Variants in ALG14 observed in about 807,000 individuals in gnomAD.
ALG14 encodes the protein UDP-N-acetylglucosamine transferase subunit ALG14.
A neutral mutation model predicts 22.8 loss-of-function variants in ALG14; 17 were observed. The observed-to-expected ratio is 0.75, with a 90% CI of 0.51 to 1.12. The LOEUF is 1.12. Ranked by LOEUF, ALG14 falls within the 50% of genes most tolerant of loss-of-function variation. The pLI is 0.00. For missense variants in ALG14, 288 were observed against 271.8 expected (o/e 1.06, Z -0.42); for synonymous variants, 89 against 103.7 (o/e 0.86, Z 0.86).
chr1:94,988,917 A>G (rs1672705912), intron 3 of ALG14, among the ~76,000 whole-genome samples: 1 of 152,184 alleles, frequency 6.6e-6, no homozygotes, highest in Admixed American at 6.5e-5. Context: ...TTCTCTTCTA[A>G]CTTACGTCTT....
chr1:95,019,047 T>G (rs1673583439), intron 3 of ALG14, among the ~76,000 whole-genome samples: 1 of 152,232 alleles, frequency 6.6e-6, no homozygotes, highest in African/African-American at 2.4e-5. Context: ...CTGTCAGCCA[T>G]AAACATATTT....
At chr1:95,058,804 A>T (rs989684632) in intron 2 of ALG14, among the ~76,000 whole-genome samples, 2 of 151,856 alleles carry the variant, frequency 1.3e-5, no homozygotes, top group Non-Finnish European at 2.9e-5. Flanking sequence ...ATAACTGTTG[A>T]TGTTATGATG....
chr1:95,065,269 C>T (rs578021389), intron 1 of ALG14, among the ~76,000 whole-genome samples: 1 of 151,944 alleles, frequency 6.6e-6, no homozygotes, highest in African/African-American at 2.4e-5. Flanking sequence ...AAGGAAGGCA[C>T]AAAACAGTAT....
At chr1:95,007,079 AG>A (rs1156312972) in intron 3 of ALG14, among the ~76,000 whole-genome samples, 1 of 152,098 alleles carries the variant, frequency 6.6e-6, no homozygotes, top group Non-Finnish European at 1.5e-5. Context: ...AGGACAGAGG[AG>A]GGGGGTGGGG....
intron 3 of ALG14, among the ~76,000 whole-genome samples, chr1:94,990,245 A>G (rs1672740289): frequency 6.6e-6 from 1 of 152,200 alleles, no homozygotes; most frequent in East Asian, 1.9e-4. Flanking sequence ...GAAGCCTGGG[A>G]AAGGCAGTTG....
intron 3 of ALG14, among the ~76,000 whole-genome samples, chr1:94,989,713 G>A (rs2100718566): frequency 6.6e-6 from 1 of 152,328 alleles, no homozygotes; most frequent in East Asian, 1.9e-4. Context: ...GGTTCTGGCT[G>A]CTCAGTTCCC....
chr1:95,017,518 G>A (rs747255105), intron 3 of ALG14, among the ~76,000 whole-genome samples: 2 of 152,118 alleles, frequency 1.3e-5, no homozygotes, highest in Non-Finnish European at 1.5e-5. Context: ...AAAAACAGGT[G>A]GGAGAGAATG....
chr1:95,035,214 G>GTCTCTT (rs1674145322), intron 2 of ALG14, among the ~76,000 whole-genome samples: 1 of 152,072 alleles, frequency 6.6e-6, no homozygotes, highest in Non-Finnish European at 1.5e-5. Flanking sequence ...TTTCTTCTCT[G>GTCTCTT]TCTCTTTCTC....
chr1:95,008,176 C>T lies in ALG14; in HGVS notation c.420+18953G>A, dbSNP rs568098265. Among the ~76,000 whole-genome samples the T allele has an allele frequency of 5.9e-5, 9 of 152,274 alleles. No homozygotes were observed. In the South Asian group the frequency reaches 1.9e-3, roughly 32 times the overall value. The stretch of plus-strand genomic sequence containing the variant: ...AAATGGTGTCATGAGTCTAGGGGCT[C>T]ACGGAAATACAAGTCCCTAACTCCT... On this transcript the variant is annotated intron_variant, in intron 3 of 3. Transcript: ENST00000370205.
intron 3 of ALG14, among the ~76,000 whole-genome samples, chr1:95,000,895 AC>A (rs1429885019): frequency 6.6e-6 from 1 of 152,204 alleles, no homozygotes; most frequent in African/African-American, 2.4e-5. Context: ...GACCAATTCC[AC>A]CTCAGGCTGC....
At chr1:95,047,683 A>G (rs2100808988) in intron 2 of ALG14, among the ~76,000 whole-genome samples, 2 of 152,260 alleles carry the variant, frequency 1.3e-5, no homozygotes, top group South Asian at 4.1e-4. Context: ...AAGTTTTAAA[A>G]TTAAGAAACC....
At chr1:95,051,177 T>C (rs1471587098) in intron 2 of ALG14, among the ~76,000 whole-genome samples, 1 of 152,134 alleles carries the variant, frequency 6.6e-6, no homozygotes, top group Admixed American at 6.5e-5. Context: ...TTCTCTCGTA[T>C]GTTTACAGAT....
At chr1:95,010,340 A>T (rs541202967) in intron 3 of ALG14, among the ~76,000 whole-genome samples, 2 of 152,310 alleles carry the variant, frequency 1.3e-5, no homozygotes, top group African/African-American at 4.8e-5. Flanking sequence ...CAGTACATCC[A>T]ATGGACATCC....
intron 1 of ALG14, among the ~76,000 whole-genome samples, chr1:95,068,212 T>C (rs904932850): frequency 6.6e-6 from 1 of 152,232 alleles, no homozygotes; most frequent in African/African-American, 2.4e-5. Context: ...ATGTTTGATA[T>C]TAAATCTAAC....
At chr1:95,005,862 C>A (rs1673205510) in intron 3 of ALG14, among the ~76,000 whole-genome samples, 1 of 152,170 alleles carries the variant, frequency 6.6e-6, no homozygotes, top group African/African-American at 2.4e-5. Flanking sequence ...GACTGTCTTA[C>A]ATCCCTCTTG....
At chr1:95,016,805 A>G (rs907576954) in intron 3 of ALG14, among the ~76,000 whole-genome samples, 1 of 152,010 alleles carries the variant, frequency 6.6e-6, no homozygotes, top group African/African-American at 2.4e-5. Context: ...CACAAATACA[A>G]TCCAGTCAGG....
chr1:95,072,632 G>T, intron 1 of ALG14, 131 bp downstream of exon 1: 1 of 1,341,692 alleles, frequency 7.5e-7, no homozygotes, highest in Non-Finnish European at 1.0e-6. Context: ...GTTCCGGCAA[G>T]GCAGAGAAAC....
Position 94,982,338 on chromosome 1 carries a change from C to G in ALG14, c.*738G>C, listed in dbSNP as rs1672514929. 1 of 151,852 alleles carries G rather than the reference C, an allele frequency of 6.6e-6. No homozygotes were observed. Among genetic ancestry groups the G allele is most frequent in the African/African-American group, 2.4e-5 (1 of 41,302 alleles). The allele number at this position is 151,852 out of a possible 1,614,324, so 9.4% of individuals were successfully genotyped here. On this transcript the variant is annotated 3_prime_UTR_variant, in exon 4 of 4. Coordinates refer to ENST00000370205, the MANE Select transcript of ALG14 (RefSeq NM_144988.4). Reference sequence around the variant, plus strand: ...ACAAGGTTTCACCATGTTGGTCAGGCTGGTGTCAAACTCCTGACCTCCAGT... The same window carrying G: ...ACAAGGTTTCACCATGTTGGTCAGGGTGGTGTCAAACTCCTGACCTCCAGT...
At chr1:95,047,524 G>T (rs997442814) in intron 2 of ALG14, among the ~76,000 whole-genome samples, 2 of 151,762 alleles carry the variant, frequency 1.3e-5, no homozygotes, top group African/African-American at 4.8e-5. Context: ...TTGTATTTTT[G>T]GTAGACACGG....
Sources: allele counts gnomAD v4.1 joint callset (sites outside exome capture counted in the v4.1 genomes callset), GRCh38; gene constraint gnomAD v4.1.1; transcripts MANE v1.5; gene names NCBI Gene and HGNC (gene_info 2026-07-23, HGNC 2026-07-21).